PIK3C2G: variants seen among roughly 807,000 people sequenced by gnomAD.
PIK3C2G encodes the protein phosphatidylinositol 3-kinase C2 domain-containing subunit gamma.
A neutral mutation model predicts 181.1 loss-of-function variants in PIK3C2G; 168 were observed. That is an observed-to-expected ratio of 0.93 (90% CI 0.82 to 1.05). PIK3C2G has a LOEUF of 1.05. Among genes scored for constraint, PIK3C2G ranks in the 50% least tolerant of loss-of-function variants. The probability of loss-of-function intolerance (pLI) is 0.00; values close to 1 mark genes in which losing one functional copy is unlikely to be tolerated. For synonymous variants in PIK3C2G, 573 were observed against 592.2 expected (o/e 0.97, Z 0.47); for missense variants, 1,869 against 1,732.8 (o/e 1.08, Z -1.40).
intron 31 of PIK3C2G, among the ~76,000 whole-genome samples, chr12:18,633,183 A>G (rs1949424694): frequency 6.6e-6 from 1 of 152,216 alleles, no homozygotes; most frequent in African/African-American, 2.4e-5. Flanking sequence ...CATTGTTTAA[A>G]TACTATGATG....
intron 29 of PIK3C2G, among the ~76,000 whole-genome samples, chr12:18,584,730 A>G (rs1023998541): frequency 2.0e-5 from 3 of 152,176 alleles, no homozygotes; most frequent in African/African-American, 4.8e-5. Flanking sequence ...TCATCCCAAG[A>G]CACATAACTA....
intron 16 of PIK3C2G, among the ~76,000 whole-genome samples, chr12:18,419,757 A>T (rs1481079301): frequency 6.6e-6 from 1 of 152,182 alleles, no homozygotes; most frequent in African/African-American, 2.4e-5. Context: ...GTTGCAATTA[A>T]AATGCTCAGT....
chr12:18,439,501 A>T (rs1464405465), intron 18 of PIK3C2G, among the ~76,000 whole-genome samples: 5 of 152,022 alleles, frequency 3.3e-5, no homozygotes, highest in Non-Finnish European at 1.5e-5. Context: ...TGAGTGTTAG[A>T]AACTCCACCT....
intron 9 of PIK3C2G, among the ~76,000 whole-genome samples, chr12:18,340,085 C>G (rs943804789): frequency 6.6e-6 from 1 of 151,978 alleles, no homozygotes; most frequent in Non-Finnish European, 1.5e-5. Flanking sequence ...CTATTAAGAC[C>G]TAGTGCCTTT....
intron 5 of PIK3C2G, among the ~76,000 whole-genome samples, chr12:18,310,049 T>G: frequency 6.6e-6 from 1 of 151,910 alleles, no homozygotes; most frequent in South Asian, 2.1e-4. Context: ...AAAATGAAGT[T>G]GAAATTTTTA....
rs147907278 is a variant in PIK3C2G, at chr12:18,381,264, A to G, written c.1881-502A>G. Among the ~76,000 whole-genome samples, 417 of 151,818 alleles carry G rather than the reference A, an allele frequency of 2.7e-3. 4 individuals carry two copies. The highest frequency in any genetic ancestry group is 9.5e-3 in the African/African-American group (393 of 41,392). ...GTTTCCTCCGTGAAGCCCCACAACTATTTTTATTCTGCAGATCATATGCTA... is the reference window on the plus strand; with the variant it reads ...GTTTCCTCCGTGAAGCCCCACAACTGTTTTTATTCTGCAGATCATATGCTA... On this transcript the variant is annotated intron_variant, in intron 13 of 32. Transcript: ENST00000538779.
chr12:18,630,242 A>T (rs982262131), intron 31 of PIK3C2G, among the ~76,000 whole-genome samples: 19 of 151,978 alleles, frequency 1.3e-4, no homozygotes, highest in Non-Finnish European at 2.4e-4. Context: ...AATATAATAA[A>T]TTAGCCAGAC....
At chr12:18,315,908 T>TGA (rs1455852711) in intron 6 of PIK3C2G, among the ~76,000 whole-genome samples, 2 of 151,926 alleles carry the variant, frequency 1.3e-5, no homozygotes, top group Non-Finnish European at 1.5e-5. Context: ...TGTGTGTGTG[T>TGA]GTGTGTGTGT....
chr12:18,576,371 T>C (rs1592626316), intron 29 of PIK3C2G, among the ~76,000 whole-genome samples: 2 of 152,252 alleles, frequency 1.3e-5, no homozygotes, highest in East Asian at 3.9e-4. Context: ...TGAATGGTAA[T>C]AGCACACCAA....
intron 8 of PIK3C2G, among the ~76,000 whole-genome samples, chr12:18,333,851 C>T (rs1004009924): frequency 3.3e-5 from 5 of 152,090 alleles, no homozygotes; most frequent in Admixed American, 3.3e-4. Flanking sequence ...TGTTACATGG[C>T]TGTTTAAATG....
At chr12:18,318,795 TA>T (rs551213713) in intron 6 of PIK3C2G, among the ~76,000 whole-genome samples, 11,969 of 137,778 alleles carry the variant, frequency 0.087, 1,076 homozygotes, top group African/African-American at 0.24. Context: ...AAAGTTGTTC[TA>T]AAAAAAAAAA....
chr12:18,615,035 T>C (rs1000373625), intron 31 of PIK3C2G, among the ~76,000 whole-genome samples: 1 of 152,040 alleles, frequency 6.6e-6, no homozygotes, highest in African/African-American at 2.4e-5. Context: ...AGTTCCCTAG[T>C]GGTGATTTCT....
rs1228477062 is a variant in PIK3C2G, at chr12:18,425,386, CTTTTTTTTTTTTT to C, written c.2504+1359_2504+1371del. ...TTCTCTAGCTAAAGGACAGACATTTCTTTTTTTTTTTTTTTTTTTTTTTTGAGTCGGAGTCTCA... is the reference window on the plus strand; with the variant it reads ...TTCTCTAGCTAAAGGACAGACATTTCTTTTTTTTTTTGAGTCGGAGTCTCA... On this transcript the variant is annotated intron_variant, in intron 18 of 32. Coordinates refer to ENST00000538779, the MANE Select transcript of PIK3C2G (RefSeq NM_001288772.2). 2.5e-3 allele frequency among the ~76,000 whole-genome samples: 165 copies of C among 65,324 alleles called. 2 individuals are homozygous for C. Among genetic ancestry groups the C allele is most frequent in the African/African-American group, 9.8e-3 (161 of 16,376 alleles). 42.9% of individuals were successfully genotyped at this position (65,324 alleles called of 152,430 possible).
At chr12:18,420,339 T>TA (rs1198321254) in intron 16 of PIK3C2G, among the ~76,000 whole-genome samples, 15 of 152,068 alleles carry the variant, frequency 9.9e-5, no homozygotes, top group Non-Finnish European at 5.9e-5. Context: ...TTTATTTAAA[T>TA]AAAAAACATT....
intron 29 of PIK3C2G, among the ~76,000 whole-genome samples, chr12:18,588,006 A>C (rs1279759166): frequency 1.3e-5 from 2 of 152,022 alleles, no homozygotes; most frequent in Admixed American, 1.3e-4. Context: ...TGGGGAAAGC[A>C]CTCCCTATTC....
chr12:18,579,895 G>T (rs1946409290), intron 29 of PIK3C2G, among the ~76,000 whole-genome samples: 1 of 152,148 alleles, frequency 6.6e-6, no homozygotes, highest in Admixed American at 6.5e-5. Context: ...AGCACTTTGG[G>T]AGGCCGAGGT....
the PIK3C2G span, chr12:18,719,718 C>A: frequency 1.1e-6 from 1 of 882,700 alleles, no homozygotes; most frequent in South Asian, 1.8e-5. Flanking sequence ...TAAACTTACT[C>A]AGTAGTAGAG....
chr12:18,652,250 A>G (rs1366315616), downstream of PIK3C2G, among the ~76,000 whole-genome samples: 4 of 152,146 alleles, frequency 2.6e-5, no homozygotes, highest in South Asian at 6.2e-4. Context: ...CCAGTCCCAT[A>G]TACCAGTCAC....
intron 24 of PIK3C2G, among the ~76,000 whole-genome samples, chr12:18,521,250 T>C (rs1942894192): frequency 6.6e-6 from 1 of 152,196 alleles, no homozygotes; most frequent in Non-Finnish European, 1.5e-5. Context: ...CAGGACTCGT[T>C]TAACGAAGCA....
Sources: gnomAD v4.1 joint callset for allele counts (sites outside exome capture counted in the v4.1 genomes callset) on GRCh38, gnomAD v4.1.1 for gene constraint, MANE v1.5 for transcripts, NCBI Gene and HGNC (gene_info 2026-07-23, HGNC 2026-07-21) for gene names.